The following C4orf51 variants were observed in gnomAD, a reference collection of about 807,000 sequenced individuals.
The protein encoded by C4orf51 is uncharacterized protein C4orf51.
In C4orf51, 25 loss-of-function variants were observed where a neutral mutation model predicts 25.2. That is an observed-to-expected ratio of 0.99 (90% CI 0.72 to 1.39). The LOEUF (loss-of-function observed/expected upper bound fraction) is 1.39. C4orf51 is among the 40% of genes most tolerant of loss of function. The pLI, the probability that C4orf51 is intolerant of heterozygous loss-of-function variation, is 0.00. For missense variants in C4orf51, 252 were observed against 239.6 expected, an observed-to-expected ratio of 1.05 and a Z score of -0.34; for synonymous variants, 100 against 84.5, an observed-to-expected ratio of 1.18 and a Z score of -1.01.
intron 2 of C4orf51, among the ~76,000 whole-genome samples, chr4:145,704,120 A>C (rs1278969799): frequency 6.6e-6 from 1 of 152,242 alleles, no homozygotes; most frequent in Non-Finnish European, 1.5e-5. Context: ...GAGAGAAATG[A>C]GGAGTCTTGG....
At chr4:145,782,267 G>A in the C4orf51 span, among the ~76,000 whole-genome samples, 129 of 152,356 alleles carry the variant, frequency 8.5e-4, 2 homozygotes, top group Middle Eastern at 0.034. Flanking sequence ...TCACGGCTGG[G>A]TGGGGCCTGG....
Position 145,760,869 on chromosome 4 carries a change from G to A in C4orf51, n.167-10119G>A, listed in dbSNP as rs1281056180. The A allele has an allele frequency of 4.9e-6, 6 of 1,224,344 alleles. No homozygotes were observed. The South Asian group carries it at 7.2e-5, about 15-fold the overall frequency. 75.8% of individuals were successfully genotyped at this position (1,224,344 alleles called of 1,614,324 possible). A position where few individuals can be genotyped will look rare whatever the true frequency, so the allele number is the denominator to read the frequency against. On this transcript the variant is annotated intron_variant and non_coding_transcript_variant, in intron 1 of 1. Transcript: ENST00000510096. ...TGCTGGGAGGCGCAGTCTGAGGTCG[G>A]GGAGGGTGGAATGTGAGATCCAAGT...
chr4:145,780,278 A>G, the C4orf51 span, among the ~76,000 whole-genome samples: 1 of 152,236 alleles, frequency 6.6e-6, no homozygotes, highest in Non-Finnish European at 1.5e-5. Flanking sequence ...TATCCCTTGA[A>G]AGGAAATATG....
chr4:145,784,308 T>C, the C4orf51 span, among the ~76,000 whole-genome samples: 1 of 152,238 alleles, frequency 6.6e-6, no homozygotes, highest in African/African-American at 2.4e-5. Context: ...TTGGACTTTT[T>C]GTTTTGTGAG....
Position 145,765,832 on chromosome 4 carries a change from T to C in C4orf51, n.167-5156T>C, listed in dbSNP as rs1233057422. On this transcript the variant is annotated intron_variant and non_coding_transcript_variant, in intron 1 of 1. Transcript: ENST00000510096. This position sits in a 1 kb window ranked among gnomAD's most constrained non-coding sequence, Gnocchi z 4.7. ...TGACGAGTTGAGTCTCATGGATGCA[T>C]CATCATTCTGGGGGCACAGGCTCAT... 3.8e-6 allele frequency: 5 copies of C among 1,305,058 alleles called. No individual in the cohort carries two copies. Among genetic ancestry groups the C allele is most frequent in the Non-Finnish European group, 5.3e-6 (5 of 951,254 alleles). 80.8% of individuals were successfully genotyped at this position (1,305,058 alleles called of 1,614,324 possible).
At chr4:145,790,074 G>A in the C4orf51 span, among the ~76,000 whole-genome samples, 2 of 152,168 alleles carry the variant, frequency 1.3e-5, no homozygotes, top group Non-Finnish European at 2.9e-5. Context: ...CTTATAGTCT[G>A]TTCTTTCAAC....
At chr4:145,790,970 C>T in the C4orf51 span, among the ~76,000 whole-genome samples, 1 of 152,158 alleles carries the variant, frequency 6.6e-6, no homozygotes, top group African/African-American at 2.4e-5. Context: ...AGAAATCCTA[C>T]CTATTTGATT....
chr4:145,780,533 A>C, the C4orf51 span, among the ~76,000 whole-genome samples: 1 of 152,220 alleles, frequency 6.6e-6, no homozygotes, highest in South Asian at 2.1e-4. Flanking sequence ...ACATTCTCTA[A>C]TCATCTTAAA....
chr4:145,721,688 T>C (rs1731750041), intron 2 of C4orf51, among the ~76,000 whole-genome samples: 1 of 152,192 alleles, frequency 6.6e-6, no homozygotes. Flanking sequence ...GCCAAGCCTG[T>C]TATTAAGAAG....
chr4:145,757,551 A>T (rs541210533), downstream of C4orf51: 1 of 152,350 alleles, frequency 6.6e-6, no homozygotes, highest in East Asian at 1.9e-4. Context: ...AGTAAAAAAC[A>T]GAACAAAGCA....
the C4orf51 span, among the ~76,000 whole-genome samples, chr4:145,779,797 C>T: frequency 3.3e-5 from 5 of 152,194 alleles, no homozygotes; most frequent in African/African-American, 7.2e-5. Context: ...TAGCACTGTG[C>T]CCAGTATACA....
intron 1 of C4orf51, among the ~76,000 whole-genome samples, chr4:145,687,004 G>C (rs112048712): frequency 7.6e-6 from 1 of 131,196 alleles, no homozygotes. Context: ...GGATCTTGTG[G>C]GGGGGGCGGT....
At chr4:145,696,068 C>T (rs1269410438) in intron 1 of C4orf51, among the ~76,000 whole-genome samples, 1 of 152,126 alleles carries the variant, frequency 6.6e-6, no homozygotes, top group Non-Finnish European at 1.5e-5. Context: ...TTGAGATCAT[C>T]CAGGCCAACA....
At position 145,765,238 on chromosome 4, in the gene C4orf51, C is replaced by T. The variant is rs1735105067; in HGVS notation, n.167-5750C>T. On this transcript the variant is annotated intron_variant and non_coding_transcript_variant, in intron 1 of 1. Coordinates refer to the C4orf51 transcript ENST00000510096. This position sits in a 1 kb window ranked among gnomAD's most constrained non-coding sequence, Gnocchi z 4.7. ...AGGAGGGCAGGAGTGGAGCCAAGCT[C>T]CTCCCCACTTCCTCCCGCCTCCTCC... 6.8e-7 allele frequency: 1 copy of T among 1,465,996 alleles called. No homozygotes were observed. The highest frequency in any genetic ancestry group is 9.1e-7 in the Non-Finnish European group (1 of 1,097,030). 90.8% of individuals were successfully genotyped at this position (1,465,996 alleles called of 1,614,324 possible). A position where few individuals can be genotyped will look rare whatever the true frequency, so the allele number is the denominator to read the frequency against.
rs200202941 is a variant in C4orf51, at chr4:145,729,947, G to A, written c.483G>A (p.Gly161=). The A allele has an allele frequency of 7.3e-4, 1,174 of 1,613,940 alleles. 1 individual carries two copies. Among genetic ancestry groups the A allele is most frequent in the Non-Finnish European group, 8.4e-4 (993 of 1,179,824 alleles). The change falls in exon 5 of 6, where the codon GGG becomes GGA. Residue 161 remains glycine (G), a synonymous_variant. Transcript: ENST00000438731. ...QEALINYSRR[G]KGVLKHLHGR... is the part of the protein sequence containing the mutation. ...CCCTGATAAACTACAGTCGACGAGG[G>A]AAAGGTGTCCTAAAGCATGTAAGAA...
intron 1 of C4orf51, chr4:145,759,693 T>C (rs911773421): frequency 6.6e-5 from 10 of 152,184 alleles, no homozygotes; most frequent in Non-Finnish European, 1.5e-4. Flanking sequence ...TTTACTTTTT[T>C]TTTTTCAGAT....
At chr4:145,778,768 C>A in the C4orf51 span, among the ~76,000 whole-genome samples, 1 of 152,106 alleles carries the variant, frequency 6.6e-6, no homozygotes, top group Non-Finnish European at 1.5e-5. Flanking sequence ...TATTTAAAAA[C>A]CTGATTTCAG....
At chr4:145,705,896 G>T (rs556752468) in intron 2 of C4orf51, among the ~76,000 whole-genome samples, 1 of 152,290 alleles carries the variant, frequency 6.6e-6, no homozygotes, top group South Asian at 2.1e-4. Flanking sequence ...TCAGGTAGCT[G>T]GTGGCTATAG....
intron 2 of C4orf51, among the ~76,000 whole-genome samples, chr4:145,711,273 A>T (rs1363219529): frequency 2.0e-5 from 3 of 152,166 alleles, no homozygotes; most frequent in African/African-American, 7.2e-5. Flanking sequence ...TAATAAAACT[A>T]CTTTTCAAAC....
Sources: gnomAD v4.1 joint callset for allele counts (sites outside exome capture counted in the v4.1 genomes callset) on GRCh38, gnomAD v4.1.1 for gene constraint, Gnocchi (gnomAD v3.1) non-coding constraint, MANE v1.5 for transcripts, NCBI Gene and HGNC (gene_info 2026-07-23, HGNC 2026-07-21) for gene names.